CTNNA3: variants seen among roughly 807,000 people sequenced by gnomAD.
CTNNA3 encodes the protein catenin alpha-3.
CTNNA3 carries 76 observed loss-of-function variants against 95.7 expected under a neutral mutation model. The observed-to-expected ratio is 0.79, with a 90% CI of 0.66 to 0.96. CTNNA3 has a LOEUF of 0.96. Ranked by LOEUF, CTNNA3 falls within the 40% of genes least tolerant of loss-of-function variation. The pLI, the probability that CTNNA3 is intolerant of heterozygous loss-of-function variation, is 0.00. For missense variants in CTNNA3, 1,191 were observed against 1,089.8 expected, an observed-to-expected ratio of 1.09 and a Z score of -1.31; for synonymous variants, 431 against 374.4, an observed-to-expected ratio of 1.15 and a Z score of -1.74.
intron 5 of CTNNA3, among the ~76,000 whole-genome samples, chr10:67,297,469 C>T (rs1050915102): frequency 6.6e-6 from 1 of 152,192 alleles, no homozygotes; most frequent in Non-Finnish European, 1.5e-5. Flanking sequence ...CTGTCTTTCA[C>T]GGTCCTCCCT....
At chr10:66,415,432 G>T (rs573023704) in intron 11 of CTNNA3, among the ~76,000 whole-genome samples, 1 of 152,188 alleles carries the variant, frequency 6.6e-6, no homozygotes, top group East Asian at 1.9e-4. Flanking sequence ...GACCTAGAGG[G>T]TTGTCACACC....
chr10:66,599,458 A>C (rs538052740), intron 10 of CTNNA3, among the ~76,000 whole-genome samples: 1 of 152,004 alleles, frequency 6.6e-6, no homozygotes, highest in African/African-American at 2.4e-5. Context: ...TTTTTGGCCC[A>C]TTTCTCCTAG....
intron 7 of CTNNA3, among the ~76,000 whole-genome samples, chr10:67,101,514 T>C (rs2394340): frequency 0.55 from 83,344 of 151,452 alleles, 24,567 homozygotes; most frequent in African/African-American, 0.77. Context: ...CTAAAACATA[T>C]GCTAACTTGC....
At chr10:67,662,845 A>T (rs1234926500) in intron 1 of CTNNA3, among the ~76,000 whole-genome samples, 1 of 152,194 alleles carries the variant, frequency 6.6e-6, no homozygotes, top group African/African-American at 2.4e-5. Context: ...AGTGAATTTA[A>T]TATGGTATAT....
At chr10:67,132,521 C>T (rs1174880733) in intron 7 of CTNNA3, among the ~76,000 whole-genome samples, 1 of 151,918 alleles carries the variant, frequency 6.6e-6, no homozygotes, top group African/African-American at 2.4e-5. Context: ...ATTGACGATC[C>T]TTTCTAGTAA....
intron 11 of CTNNA3, among the ~76,000 whole-genome samples, chr10:66,444,132 T>C (rs952664428): frequency 2.0e-5 from 3 of 152,082 alleles, no homozygotes; most frequent in Non-Finnish European, 4.4e-5. Context: ...GAAAAAAGAA[T>C]AAGAAGAAAC....
At chr10:67,175,719 T>A (rs1437836284) in intron 7 of CTNNA3, among the ~76,000 whole-genome samples, 2 of 152,162 alleles carry the variant, frequency 1.3e-5, no homozygotes, top group Non-Finnish European at 2.9e-5. Context: ...TTACTAATAA[T>A]TATATGTCAC....
chr10:65,918,643 C>T lies in CTNNA3; in HGVS notation c.*1687G>A, dbSNP rs1421552696. ...AGTTATTGTAGGCCAGTCTATGGTG[C>T]AAAACAGGGAGGAGTTTATTGCCTT... On this transcript the variant is annotated 3_prime_UTR_variant, in exon 18 of 18. Coordinates refer to ENST00000433211, the MANE Select transcript of CTNNA3 (RefSeq NM_013266.4). 1 of 152,140 alleles carries T rather than the reference C, an allele frequency of 6.6e-6. No homozygotes were observed. Among genetic ancestry groups the T allele is most frequent in the Non-Finnish European group, 1.5e-5 (1 of 68,020 alleles). 9.4% of individuals were successfully genotyped at this position (152,140 alleles called of 1,614,324 possible). A position where few individuals can be genotyped will look rare whatever the true frequency, so the allele number is the denominator to read the frequency against.
intron 1 of CTNNA3, among the ~76,000 whole-genome samples, chr10:67,731,798 C>T (rs1328300935): frequency 7.5e-6 from 1 of 134,224 alleles, no homozygotes; most frequent in African/African-American, 2.8e-5. Context: ...AAGACTCCGT[C>T]TCAAAAAAAA....
rs1171805233 is a variant in CTNNA3, at chr10:67,672,337, C to T, written c.-6+23663G>A. Among the ~76,000 whole-genome samples the T allele has an allele frequency of 2.4e-4, 36 of 152,126 alleles. No homozygotes were observed. The South Asian group carries it at 3.1e-3, about 13-fold the overall frequency. ...CTGTTCACTCTGATGGTAGTTTCTT[C>T]TGCTGTGCAGAAGCTCTTGAGTTTA... On this transcript the variant is annotated intron_variant, in intron 1 of 17. Transcript: ENST00000433211.
At chr10:67,219,522 G>T in intron 6 of CTNNA3, 85 bp downstream of exon 6, 1 of 1,412,850 alleles carries the variant, frequency 7.1e-7, no homozygotes, top group Non-Finnish European at 9.5e-7. Flanking sequence ...TGCTCTAAAC[G>T]CCAACATGTG....
chr10:66,706,498 G>C (rs570937740), intron 9 of CTNNA3, among the ~76,000 whole-genome samples: 24 of 151,032 alleles, frequency 1.6e-4, no homozygotes, highest in African/African-American at 5.1e-4. Context: ...GCATATTATT[G>C]ACTGTGTACA....
At chr10:67,651,955 T>C (rs1478662920) in intron 1 of CTNNA3, among the ~76,000 whole-genome samples, 1 of 152,256 alleles carries the variant, frequency 6.6e-6, no homozygotes, top group Non-Finnish European at 1.5e-5. Flanking sequence ...CTTCTCTATG[T>C]ATTAGTTCAT....
intron 9 of CTNNA3, among the ~76,000 whole-genome samples, chr10:66,735,752 G>T (rs1166339717): frequency 6.6e-6 from 1 of 152,080 alleles, no homozygotes; most frequent in Non-Finnish European, 1.5e-5. Flanking sequence ...TATTATAGAA[G>T]AAATTGTTAT....
chr10:66,658,040 T>G (rs1051467065), intron 9 of CTNNA3, among the ~76,000 whole-genome samples: 5 of 152,200 alleles, frequency 3.3e-5, no homozygotes, highest in African/African-American at 1.2e-4. Flanking sequence ...ATCATGGAGA[T>G]GTGTGTCCCT....
intron 5 of CTNNA3, among the ~76,000 whole-genome samples, chr10:67,267,315 GT>G (rs1383285894): frequency 6.6e-6 from 1 of 152,174 alleles, no homozygotes; most frequent in Non-Finnish European, 1.5e-5. Flanking sequence ...ATAGGAAGAA[GT>G]TCTGTGTGTG....
intron 11 of CTNNA3, among the ~76,000 whole-genome samples, chr10:66,510,667 T>C (rs1051505420): frequency 6.6e-6 from 1 of 151,880 alleles, no homozygotes; most frequent in Non-Finnish European, 1.5e-5. Context: ...TTTAAAATTT[T>C]ATATTGTTAA....
At chr10:67,274,658 T>C (rs894075385) in intron 5 of CTNNA3, among the ~76,000 whole-genome samples, 11 of 151,990 alleles carry the variant, frequency 7.2e-5, no homozygotes, top group African/African-American at 2.7e-4. Flanking sequence ...CAAAACTCCA[T>C]TTCTACAAAA....
At chr10:66,834,784 A>AC (rs1842835022) in intron 7 of CTNNA3, among the ~76,000 whole-genome samples, 4 of 152,228 alleles carry the variant, frequency 2.6e-5, no homozygotes, top group African/African-American at 7.2e-5. Context: ...CCTAGACCAC[A>AC]GTTCAAACCA....
Sources: gnomAD v4.1 joint callset for allele counts (sites outside exome capture counted in the v4.1 genomes callset) on GRCh38, gnomAD v4.1.1 for gene constraint, MANE v1.5 for transcripts, NCBI Gene and HGNC (gene_info 2026-07-23, HGNC 2026-07-21) for gene names.